DCUN1D4: variants seen among roughly 807,000 people sequenced by gnomAD.
DCUN1D4 encodes the protein DCN1-like protein 4.
DCUN1D4 carries 22 observed loss-of-function variants against 47.9 expected under a neutral mutation model. That is an observed-to-expected ratio of 0.46 (90% CI 0.33 to 0.66). The LOEUF (loss-of-function observed/expected upper bound fraction) is 0.66, where lower values mean the gene tolerates loss of function less well. DCUN1D4 is among the 30% of genes least tolerant of loss of function. The pLI, the probability that DCUN1D4 is intolerant of heterozygous loss-of-function variation, is 0.02. For missense variants in DCUN1D4, 301 were observed against 340.8 expected, an observed-to-expected ratio of 0.88 and a Z score of 0.92; for synonymous variants, 121 against 112.2, an observed-to-expected ratio of 1.08 and a Z score of -0.50.
intron 1 of DCUN1D4, chr4:51,845,067 T>A (rs908468469): frequency 1.1e-5 from 11 of 985,366 alleles, no homozygotes; most frequent in African/African-American, 3.5e-5. Flanking sequence ...TTTTGTGGCC[T>A]TACTTGTGGA....
chr4:51,913,680 C>A lies in DCUN1D4; in HGVS notation c.*96C>A. On this transcript the variant is annotated 3_prime_UTR_variant, in exon 11 of 11. Coordinates refer to ENST00000334635, the MANE Select transcript of DCUN1D4 (RefSeq NM_001040402.3). The stretch of plus-strand genomic sequence containing the variant: ...TTGTATCAAAGCGCATGCTGCTTCT[C>A]TTGCACTGTTTCCCTTTCGCAGGGA... 8.9e-7 allele frequency: 1 copy of A among 1,118,134 alleles called. No homozygotes were observed. The highest frequency in any genetic ancestry group is 1.3e-6 in the Non-Finnish European group (1 of 746,112). 69.3% of individuals were successfully genotyped at this position (1,118,134 alleles called of 1,614,324 possible).
intron 6 of DCUN1D4, among the ~76,000 whole-genome samples, chr4:51,890,134 A>G (rs1730187326): frequency 6.6e-6 from 1 of 152,112 alleles, no homozygotes; most frequent in Admixed American, 6.5e-5. Context: ...TTAGCCTACA[A>G]ACTAGCTTAT....
the DCUN1D4 span, among the ~76,000 whole-genome samples, chr4:51,836,739 A>G: frequency 1.3e-5 from 2 of 152,182 alleles, no homozygotes; most frequent in Admixed American, 1.3e-4. Context: ...TATTTTCCAC[A>G]GCTCCCATCC....
chr4:51,914,361 TTC>T lies in DCUN1D4; in HGVS notation c.*781_*782del, dbSNP rs963506069. On this transcript the variant is annotated 3_prime_UTR_variant, in exon 11 of 11. Transcript: ENST00000334635. Reference sequence around the variant, plus strand: ...ATTCTTTAACTTTTTTGTTTGTTTGTTCTCTTTTTTTCCTTTTGCATTCTTCT... The same window carrying T: ...ATTCTTTAACTTTTTTGTTTGTTTGTTCTTTTTTTCCTTTTGCATTCTTCT... 14 of 152,170 alleles carry T rather than the reference TTC, an allele frequency of 9.2e-5. No homozygotes were observed. The highest frequency in any genetic ancestry group is 1.9e-4 in the Non-Finnish European group (13 of 68,010). The allele number at this position is 152,170 out of a possible 1,614,324, so 9.4% of individuals were successfully genotyped here.
chr4:51,891,403 G>C (rs906664592), intron 6 of DCUN1D4, among the ~76,000 whole-genome samples: 1 of 152,186 alleles, frequency 6.6e-6, no homozygotes, highest in Admixed American at 6.5e-5. Flanking sequence ...ATTCATCTTT[G>C]TGTCTGTTTA....
intron 5 of DCUN1D4, among the ~76,000 whole-genome samples, chr4:51,880,292 A>G (rs1728385286): frequency 6.6e-6 from 1 of 152,212 alleles, no homozygotes; most frequent in Non-Finnish European, 1.5e-5. Flanking sequence ...CCCCCTAGAT[A>G]CCAGCACGAA....
At chr4:51,911,781 T>C (rs1223444923) in intron 9 of DCUN1D4, among the ~76,000 whole-genome samples, 3 of 152,166 alleles carry the variant, frequency 2.0e-5, no homozygotes, top group Admixed American at 1.3e-4. Flanking sequence ...CTACTGGTTT[T>C]GTTGAAGTGT....
At chr4:51,856,444 C>G (rs1724150760) in intron 1 of DCUN1D4, among the ~76,000 whole-genome samples, 1 of 152,146 alleles carries the variant, frequency 6.6e-6, no homozygotes, top group Non-Finnish European at 1.5e-5. Context: ...GTTTTAGATT[C>G]AGCCAGTTTT....
At chr4:51,875,073 A>G (rs1241919936) in intron 4 of DCUN1D4, 1 of 152,166 alleles carries the variant, frequency 6.6e-6, no homozygotes, top group Non-Finnish European at 1.5e-5. Context: ...GGGTCATATC[A>G]CTAATGGGCC....
At chr4:51,866,432 T>G (rs544167095) in intron 3 of DCUN1D4, among the ~76,000 whole-genome samples, 23 of 152,172 alleles carry the variant, frequency 1.5e-4, no homozygotes, top group African/African-American at 5.1e-4. Context: ...TAAATACAAG[T>G]GTACATTTAT....
rs1734266374 is a variant in DCUN1D4, at chr4:51,915,751, G to A, written c.*2167G>A. The A allele has an allele frequency of 6.6e-6, 1 of 152,534 alleles. No homozygotes were observed. Among genetic ancestry groups the A allele is most frequent in the African/African-American group, 2.4e-5 (1 of 41,436 alleles). The allele number at this position is 152,534 out of a possible 1,614,324, so 9.4% of individuals were successfully genotyped here. A position where few individuals can be genotyped will look rare whatever the true frequency, so the allele number is the denominator to read the frequency against. ...CAGTTAATTCTAAAATGAGAGGATT[G>A]TTACAGGAGGGAGATGTTACAGTTA... is the stretch of plus-strand genomic sequence containing the variant. On this transcript the variant is annotated 3_prime_UTR_variant, in exon 11 of 11. Coordinates refer to ENST00000334635, the MANE Select transcript of DCUN1D4 (RefSeq NM_001040402.3).
intron 3 of DCUN1D4, among the ~76,000 whole-genome samples, chr4:51,872,778 ATC>A (rs1441633270): frequency 6.6e-6 from 1 of 152,120 alleles, no homozygotes; most frequent in East Asian, 1.9e-4. Flanking sequence ...CTGTCACTTA[ATC>A]TCTCTGCTTT....
chr4:51,891,736 T>G, intron 6 of DCUN1D4, 24 bp from the exon 7 acceptor site: 1 of 1,550,496 alleles, frequency 6.4e-7, no homozygotes, highest in Non-Finnish European at 8.8e-7. Context: ...TATTTTTTTT[T>G]AATTGTGTAT....
intron 5 of DCUN1D4, among the ~76,000 whole-genome samples, chr4:51,880,868 C>T (rs893345226): frequency 3.3e-5 from 5 of 152,132 alleles, no homozygotes; most frequent in African/African-American, 9.7e-5. Flanking sequence ...TGGTGACTCA[C>T]GCCTGTAATC....
intron 8 of DCUN1D4, among the ~76,000 whole-genome samples, chr4:51,902,500 CTT>C (rs775363125): frequency 2.4e-4 from 36 of 152,204 alleles, no homozygotes; most frequent in Non-Finnish European, 4.3e-4. Context: ...TAATGTCTCT[CTT>C]TATCTCTAGT....
chr4:51,882,523 T>C (rs961841703), intron 5 of DCUN1D4, among the ~76,000 whole-genome samples: 11 of 152,054 alleles, frequency 7.2e-5, no homozygotes, highest in African/African-American at 2.4e-5. Context: ...ATCTCAGCAC[T>C]TGGGGAGGCC....
intron 1 of DCUN1D4, chr4:51,844,314 A>C (rs1251594196): frequency 1.1e-6 from 1 of 877,050 alleles, no homozygotes; most frequent in Non-Finnish European, 1.3e-6. Flanking sequence ...CGGAGAGAGG[A>C]GGGGGCGGGG....
At chr4:51,860,107 A>G (rs529690263) in intron 1 of DCUN1D4, among the ~76,000 whole-genome samples, 1 of 151,986 alleles carries the variant, frequency 6.6e-6, no homozygotes, top group South Asian at 2.1e-4. Flanking sequence ...TTTTAATGAC[A>G]TTTTTGTCTT....
At chr4:51,882,329 G>A (rs1728782589) in intron 5 of DCUN1D4, among the ~76,000 whole-genome samples, 1 of 152,176 alleles carries the variant, frequency 6.6e-6, no homozygotes, top group Admixed American at 6.5e-5. Flanking sequence ...CAAATAAGTA[G>A]AGAAACATTA....
Sources: gnomAD v4.1 joint callset for allele counts (sites outside exome capture counted in the v4.1 genomes callset) on GRCh38, gnomAD v4.1.1 for gene constraint, MANE v1.5 for transcripts, NCBI Gene and HGNC (gene_info 2026-07-23, HGNC 2026-07-21) for gene names.